The following TAPT1 variants were observed in gnomAD, a reference collection of about 807,000 sequenced individuals.
The protein encoded by TAPT1 is transmembrane anterior posterior transformation 1, also known as transmembrane anterior posterior transformation protein 1 homolog.
TAPT1 carries 28 observed loss-of-function variants against 65.6 expected under a neutral mutation model. That is an observed-to-expected ratio of 0.43 (90% CI 0.32 to 0.59). The LOEUF is 0.59. Ranked by LOEUF, TAPT1 falls within the 20% of genes least tolerant of loss-of-function variation. The pLI is 0.09. For missense variants in TAPT1, 563 were observed against 679.9 expected (o/e 0.83, Z 1.91); for synonymous variants, 278 against 245.2 (o/e 1.13, Z -1.25).
intron 2 of TAPT1, among the ~76,000 whole-genome samples, chr4:16,211,128 T>C (rs1357935494): frequency 6.6e-6 from 1 of 152,018 alleles, no homozygotes; most frequent in Non-Finnish European, 1.5e-5. Flanking sequence ...AATTACATGT[T>C]TTATGGTGTT....
chr4:16,207,103 G>T (rs1442861251), intron 2 of TAPT1, among the ~76,000 whole-genome samples: 1 of 152,180 alleles, frequency 6.6e-6, no homozygotes, highest in Non-Finnish European at 1.5e-5. Context: ...ACACAGCAGG[G>T]GCTGGGGGAC....
intron 7 of TAPT1, among the ~76,000 whole-genome samples, chr4:16,181,978 G>A (rs1414151271): frequency 6.6e-6 from 1 of 152,164 alleles, no homozygotes; most frequent in African/African-American, 2.4e-5. Context: ...GTGAAGGATG[G>A]CAAGCTTAAA....
At chr4:16,190,415 TACAACCTCC>T (rs1320887757) in intron 4 of TAPT1, 3 of 152,082 alleles carry the variant, frequency 2.0e-5, no homozygotes, top group Non-Finnish European at 4.4e-5. Context: ...TTCAGCTCAC[TACAACCTCC>T]ACCTCTAGGG....
chr4:16,163,137 T>C lies in TAPT1; in HGVS notation c.*171A>G, dbSNP rs1209655464. 4 of 665,386 alleles carry C rather than the reference T, an allele frequency of 6.0e-6. No homozygotes were observed. Among genetic ancestry groups the C allele is most frequent in the Non-Finnish European group, 1.1e-5 (4 of 367,504 alleles). The allele number at this position is 665,386 out of a possible 1,614,324, so 41.2% of individuals were successfully genotyped here. A position where few individuals can be genotyped will look rare whatever the true frequency, so the allele number is the denominator to read the frequency against. On this transcript the variant is annotated 3_prime_UTR_variant, in exon 14 of 14. Coordinates refer to ENST00000405303, the MANE Select transcript of TAPT1 (RefSeq NM_153365.3). ...CGGAGGTCGCTCCTGTCCTGTGGTC[T>C]GACCCTCAGCCAGGCCATATTACTG...
intron 3 of TAPT1, among the ~76,000 whole-genome samples, chr4:16,197,497 T>C (rs1749782027): frequency 6.6e-6 from 1 of 152,196 alleles, no homozygotes; most frequent in Non-Finnish European, 1.5e-5. Flanking sequence ...AAGTCACAAA[T>C]TTCAGGAGAA....
chr4:16,171,047 C>A (rs1031639109), intron 11 of TAPT1, among the ~76,000 whole-genome samples: 1 of 152,200 alleles, frequency 6.6e-6, no homozygotes, highest in African/African-American at 2.4e-5. Context: ...TTATACCTCA[C>A]AGGGATGCAA....
At chr4:16,217,708 G>C (rs1447221138) in intron 1 of TAPT1, among the ~76,000 whole-genome samples, 2 of 152,190 alleles carry the variant, frequency 1.3e-5, no homozygotes, top group Non-Finnish European at 2.9e-5. Context: ...ACAAAAATCA[G>C]ACATGACAAA....
At chr4:16,170,305 G>C (rs1025396085) in intron 12 of TAPT1, among the ~76,000 whole-genome samples, 1 of 152,110 alleles carries the variant, frequency 6.6e-6, no homozygotes, top group African/African-American at 2.4e-5. Flanking sequence ...AATTCAATGT[G>C]GCAAACATAT....
At chr4:16,219,037 A>G (rs767271367) in intron 1 of TAPT1, among the ~76,000 whole-genome samples, 8 of 152,318 alleles carry the variant, frequency 5.3e-5, no homozygotes, top group Middle Eastern at 3.4e-3. Flanking sequence ...GAGAATATAA[A>G]AAGTCAAATA....
At chr4:16,203,527 T>G (rs1382679616) in intron 2 of TAPT1, among the ~76,000 whole-genome samples, 2 of 151,988 alleles carry the variant, frequency 1.3e-5, no homozygotes, top group African/African-American at 4.8e-5. Flanking sequence ...TTTAAAGAGG[T>G]AATTTAAGTT....
At chr4:16,169,799 A>C (rs1747873572) in intron 12 of TAPT1, among the ~76,000 whole-genome samples, 1 of 152,252 alleles carries the variant, frequency 6.6e-6, no homozygotes, top group Non-Finnish European at 1.5e-5. Flanking sequence ...TAGTGTGCTA[A>C]GCCCTGGGCA....
chr4:16,199,923 C>T (rs1749933066), intron 3 of TAPT1, among the ~76,000 whole-genome samples: 1 of 152,112 alleles, frequency 6.6e-6, no homozygotes, highest in Non-Finnish European at 1.5e-5. Context: ...TTTATGTGCC[C>T]TGTACCCCCA....
Position 16,176,198 on chromosome 4 carries a change from C to T in TAPT1, c.1028G>A (p.Cys343Tyr). The change falls in exon 9 of 14, where the codon TGT becomes TAT. Residue 343 changes from cysteine to tyrosine, a missense_variant. By Grantham distance (194) the Cys-to-Tyr change is radical. This residue lies in a region of TAPT1 where 104 missense variants were observed against 102.5 expected (regional missense o/e 1.01). Transcript: ENST00000405303. ...DHLWVLFPDV[C>Y]MVIASEIAVD... ...GGCAATTTCTGATGCAATTACCATA[C>T]AGACATCTGGAAACAACACCCAGAG... is the stretch of plus-strand genomic sequence containing the variant. 3 of 1,571,172 alleles carry T rather than the reference C, an allele frequency of 1.9e-6. No individual in the cohort carries two copies. The highest frequency in any genetic ancestry group is 1.7e-6 in the Non-Finnish European group (2 of 1,158,046).
Position 16,202,586 on chromosome 4 carries a change from T to C in TAPT1, c.331-6A>G. ...AAGATTCCAAAAACCATCAGCTGAA[T>C]TTTAACAAGGAGAGAAGAAAAAAAA... On this transcript the variant is annotated splice_polypyrimidine_tract_variant and splice_region_variant and intron_variant, in intron 2 of 13. Transcript: ENST00000405303. 1 of 1,463,432 alleles carries C rather than the reference T, an allele frequency of 6.8e-7. No individual in the cohort carries two copies. Among genetic ancestry groups the C allele is most frequent in the Non-Finnish European group, 9.2e-7 (1 of 1,083,182 alleles). The allele number at this position is 1,463,432 out of a possible 1,614,324, so 90.7% of individuals were successfully genotyped here. A position where few individuals can be genotyped will look rare whatever the true frequency, so the allele number is the denominator to read the frequency against.
intron 13 of TAPT1, 66 bp downstream of exon 13, chr4:16,166,567 T>C: frequency 6.3e-7 from 1 of 1,578,038 alleles, no homozygotes. Context: ...TTGCTTAACA[T>C]TGATCAAACT....
intron 1 of TAPT1, among the ~76,000 whole-genome samples, chr4:16,215,492 C>CATGTGTGT (rs1460260552): frequency 1.3e-5 from 2 of 152,012 alleles, no homozygotes; most frequent in Non-Finnish European, 2.9e-5. Context: ...TGTATGTACA[C>CATGTGTGT]ACATACACAT....
Position 16,180,121 on chromosome 4 carries a change from A to C in TAPT1, c.917-464T>G, listed in dbSNP as rs531667551. Among the ~76,000 whole-genome samples the C allele has an allele frequency of 4.6e-5, 7 of 152,306 alleles. No homozygotes were observed. The South Asian group carries it at 1.5e-3, about 32-fold the overall frequency. On this transcript the variant is annotated intron_variant, in intron 7 of 13. Coordinates refer to ENST00000405303, the MANE Select transcript of TAPT1 (RefSeq NM_153365.3). ...ATAGTACACAATTACTGAACTGATG[A>C]GTCCTTTAGCTGAGAGAATCCTGCT...
intron 7 of TAPT1, among the ~76,000 whole-genome samples, chr4:16,184,694 T>C (rs1365635267): frequency 6.6e-6 from 1 of 152,224 alleles, no homozygotes. Context: ...TGGCTTTGTC[T>C]TTCTCCAGTG....
intron 1 of TAPT1, among the ~76,000 whole-genome samples, chr4:16,217,184 T>A (rs977395362): frequency 1.8e-4 from 28 of 152,320 alleles, no homozygotes; most frequent in African/African-American, 6.5e-4. Flanking sequence ...GCTTCCACAG[T>A]ACCTGCACCT....
Sources: allele counts gnomAD v4.1 joint callset (sites outside exome capture counted in the v4.1 genomes callset), GRCh38; gene constraint gnomAD v4.1.1; regional missense constraint gnomAD v4.1.1; transcripts MANE v1.5; gene names NCBI Gene and HGNC (gene_info 2026-07-23, HGNC 2026-07-21).